Variants in DLGAP2 observed in about 807,000 individuals in gnomAD.
DLGAP2 encodes the protein disks large-associated protein 2.
DLGAP2 carries 26 observed loss-of-function variants against 100.3 expected under a neutral mutation model. The ratio of observed to expected loss-of-function variants is 0.26; its 90% CI spans 0.19 to 0.36. The LOEUF is 0.36. Among genes scored for constraint, DLGAP2 ranks in the 10% least tolerant of loss-of-function variants. DLGAP2 has a pLI of 1.00. For synonymous variants in DLGAP2, 886 were observed against 630.1 expected (o/e 1.41, Z -6.08); for missense variants, 1,858 against 1,453.2 (o/e 1.28, Z -4.53).
intron 3 of DLGAP2, among the ~76,000 whole-genome samples, chr8:1,362,624 C>G (rs962182282): frequency 1.3e-5 from 2 of 152,202 alleles, no homozygotes; most frequent in African/African-American, 4.8e-5. Flanking sequence ...CCCTTAACAC[C>G]AGCACCGTCC....
At chr8:1,609,647 C>A (rs1188496056) in intron 6 of DLGAP2, among the ~76,000 whole-genome samples, 2 of 116,290 alleles carry the variant, frequency 1.7e-5, no homozygotes, top group Non-Finnish European at 3.7e-5. Context: ...AAACCCATCT[C>A]ACGTGCAGAG....
At chr8:1,388,608 G>A (rs112394555) in intron 3 of DLGAP2, among the ~76,000 whole-genome samples, 1 of 85,900 alleles carries the variant, frequency 1.2e-5, no homozygotes. Context: ...GAGAGCAGAG[G>A]CCGTGGATGG....
chr8:1,417,094 T>A (rs1017396452), intron 3 of DLGAP2, among the ~76,000 whole-genome samples: 1 of 6,804 alleles, frequency 1.5e-4, no homozygotes, highest in Non-Finnish European at 2.6e-4. Flanking sequence ...GGTGGGGGGA[T>A]GGGGGGGTGG....
chr8:1,620,368 C>T (rs947010268), intron 6 of DLGAP2: 1 of 152,318 alleles, frequency 6.6e-6, no homozygotes, highest in Non-Finnish European at 1.5e-5. Flanking sequence ...CGTGGCCCCG[C>T]CTCACCTGAG....
At chr8:837,420 C>G (rs112439974) in intron 1 of DLGAP2, among the ~76,000 whole-genome samples, 10 of 152,212 alleles carry the variant, frequency 6.6e-5, no homozygotes, top group Admixed American at 2.6e-4. Flanking sequence ...AGACTCCAAA[C>G]TGAAGCACGA....
intron 2 of DLGAP2, among the ~76,000 whole-genome samples, chr8:1,064,437 T>C (rs768934130): frequency 3.3e-5 from 5 of 152,196 alleles, no homozygotes; most frequent in African/African-American, 1.2e-4. Context: ...ATATAACAAA[T>C]GTGATTTCAC....
At chr8:773,965 C>G (rs1821440016) in intron 1 of DLGAP2, among the ~76,000 whole-genome samples, 1 of 152,216 alleles carries the variant, frequency 6.6e-6, no homozygotes, top group Non-Finnish European at 1.5e-5. Flanking sequence ...GTCCCACTAA[C>G]AGTGTAAAAG....
intron 2 of DLGAP2, among the ~76,000 whole-genome samples, chr8:1,199,522 C>T (rs765550330): frequency 6.6e-6 from 1 of 152,170 alleles, no homozygotes; most frequent in South Asian, 2.1e-4. Flanking sequence ...GTCTGGATCA[C>T]AGCACAGCTA....
Position 1,036,765 on chromosome 8 carries a change from G to A in DLGAP2, c.73+128799G>A, listed in dbSNP as rs142236212. ...GAGCGTGGAGTGAACAGGAGGTGCC[G>A]CAGGCTGGGAATTGCCGTCACTAAG... On this transcript the variant is annotated intron_variant, in intron 2 of 14. Coordinates refer to ENST00000637795, the MANE Select transcript of DLGAP2 (RefSeq NM_001346810.2). Among the ~76,000 whole-genome samples, 382 of 152,280 alleles carry A rather than the reference G, an allele frequency of 2.5e-3. 1 individual carries two copies. Among genetic ancestry groups the A allele is most frequent in the African/African-American group, 8.2e-3 (342 of 41,554 alleles).
chr8:1,079,736 T>A (rs1275672427), intron 2 of DLGAP2, among the ~76,000 whole-genome samples: 1 of 152,194 alleles, frequency 6.6e-6, no homozygotes, highest in African/African-American at 2.4e-5. Flanking sequence ...GGCATGGACA[T>A]AAATAGCAGC....
chr8:1,140,741 G>A (rs1333397506), intron 2 of DLGAP2, among the ~76,000 whole-genome samples: 2 of 152,200 alleles, frequency 1.3e-5, no homozygotes, highest in Non-Finnish European at 2.9e-5. Context: ...GGAGGCTGAG[G>A]TGGGCAGATC....
rs1392684591 is a variant in DLGAP2 at position 977,180 on chromosome 8, C to G, written c.73+69214C>G. On this transcript the variant is annotated intron_variant, in intron 2 of 14. Transcript: ENST00000637795. ...TCTTGCCTCCCCTCCTGAAATGTTG[C>G]AAATGTTTCTGTAGACCAGCCCTAC... 3.9e-5 allele frequency among the ~76,000 whole-genome samples: 6 copies of G among 152,328 alleles called. No individual in the cohort carries two copies. The East Asian group carries it at 9.7e-4, about 25-fold the overall frequency.
chr8:1,094,565 A>G (rs113601100), intron 2 of DLGAP2, among the ~76,000 whole-genome samples: 18 of 152,316 alleles, frequency 1.2e-4, no homozygotes, highest in African/African-American at 3.8e-4. Context: ...ACCTTCCAAC[A>G]TGTCTTGTTT....
chr8:804,243 TA>T (rs909051181), intron 1 of DLGAP2, among the ~76,000 whole-genome samples: 3 of 152,248 alleles, frequency 2.0e-5, no homozygotes, highest in Non-Finnish European at 2.9e-5. Context: ...AAGTCTATTT[TA>T]GTCCAATGAT....
At chr8:752,964 C>T (rs575645405) in intron 1 of DLGAP2, among the ~76,000 whole-genome samples, 63 of 152,310 alleles carry the variant, frequency 4.1e-4, no homozygotes, top group African/African-American at 1.3e-3. Context: ...ATGTGAAAAA[C>T]GGCAGAAACT....
intron 6 of DLGAP2, among the ~76,000 whole-genome samples, chr8:1,594,332 C>T (rs1360152255): frequency 6.6e-6 from 1 of 152,064 alleles, no homozygotes; most frequent in South Asian, 2.1e-4. Flanking sequence ...TGAAGATGCC[C>T]CCTAAGGTCA....
chr8:1,342,521 G>T (rs1801439904), intron 3 of DLGAP2, among the ~76,000 whole-genome samples: 1 of 108 alleles, frequency 9.3e-3, no homozygotes, highest in Non-Finnish European at 0.017. Flanking sequence ...GGGTTTGTGG[G>T]CCGTGCGGCT....
chr8:1,163,479 A>G (rs1796932552), intron 2 of DLGAP2, among the ~76,000 whole-genome samples: 1 of 152,234 alleles, frequency 6.6e-6, no homozygotes, highest in Non-Finnish European at 1.5e-5. Context: ...TGTGGATGCC[A>G]GTGACAATTA....
intron 1 of DLGAP2, among the ~76,000 whole-genome samples, chr8:779,913 G>A (rs1401399896): frequency 6.6e-6 from 1 of 152,096 alleles, no homozygotes; most frequent in Non-Finnish European, 1.5e-5. Flanking sequence ...ATGGAGTACA[G>A]TGTGATGTTT....
Sources: allele counts gnomAD v4.1 joint callset (sites outside exome capture counted in the v4.1 genomes callset), GRCh38; gene constraint gnomAD v4.1.1; transcripts MANE v1.5; gene names NCBI Gene and HGNC (gene_info 2026-07-23, HGNC 2026-07-21).